The following ENTREP2 variants were observed in gnomAD, a reference collection of about 807,000 sequenced individuals.
The protein encoded by ENTREP2 is endosomal transmembrane epsin interactor 2.
chr15:29,620,458 C>G, the ENTREP2 span, among the ~76,000 whole-genome samples: 1 of 151,954 alleles, frequency 6.6e-6, no homozygotes, highest in Non-Finnish European at 1.5e-5. Flanking sequence ...TGCTGTTTTC[C>G]CCTCCACCTT....
the ENTREP2 span, among the ~76,000 whole-genome samples, chr15:29,221,584 G>C: frequency 6.6e-6 from 1 of 152,230 alleles, no homozygotes; most frequent in East Asian, 1.9e-4. Context: ...GCACTCCTGA[G>C]GCACTCTTAT....
At chr15:29,166,526 A>C in the ENTREP2 span, among the ~76,000 whole-genome samples, 8 of 152,218 alleles carry the variant, frequency 5.3e-5, no homozygotes, top group African/African-American at 1.9e-4. Flanking sequence ...ATACACCAAC[A>C]GTGACCAAGC....
chr15:29,588,952 T>C, the ENTREP2 span, among the ~76,000 whole-genome samples: 1 of 147,394 alleles, frequency 6.8e-6, no homozygotes, highest in African/African-American at 2.5e-5. Context: ...ATTGTGCCGC[T>C]GCACTCCAGC....
the ENTREP2 span, among the ~76,000 whole-genome samples, chr15:29,467,494 G>A: frequency 6.6e-5 from 10 of 152,240 alleles, no homozygotes; most frequent in East Asian, 7.7e-4. Flanking sequence ...CCAAGGAAAC[G>A]GCCACCTGAG....
the ENTREP2 span, among the ~76,000 whole-genome samples, chr15:29,264,270 A>T: frequency 6.6e-6 from 1 of 152,126 alleles, no homozygotes; most frequent in African/African-American, 2.4e-5. Context: ...CCACTGGCCA[A>T]ATCAGGGACA....
At chr15:29,450,263 A>G in the ENTREP2 span, among the ~76,000 whole-genome samples, 4 of 152,082 alleles carry the variant, frequency 2.6e-5, no homozygotes, top group South Asian at 8.3e-4. Flanking sequence ...ACCATTTGTC[A>G]ATTTTTGCTT....
At chr15:29,607,540 C>T in the ENTREP2 span, among the ~76,000 whole-genome samples, 11 of 152,108 alleles carry the variant, frequency 7.2e-5, no homozygotes, top group Non-Finnish European at 1.2e-4. Context: ...TGCTGTTCTG[C>T]CATGTCTATC....
chr15:29,280,944 T>C, the ENTREP2 span, among the ~76,000 whole-genome samples: 1 of 152,314 alleles, frequency 6.6e-6, no homozygotes, highest in South Asian at 2.1e-4. Flanking sequence ...CAAGTATTAA[T>C]GAATTAACTG....
At chr15:29,464,604 T>C in the ENTREP2 span, among the ~76,000 whole-genome samples, 1 of 152,312 alleles carries the variant, frequency 6.6e-6, no homozygotes, top group African/African-American at 2.4e-5. Flanking sequence ...ATTTCTCTTT[T>C]AATAAGGTTA....
chr15:29,121,113 AAC>A, the ENTREP2 span: 1 of 152,270 alleles, frequency 6.6e-6, no homozygotes, highest in Non-Finnish European at 1.5e-5. Context: ...GTATCCACAA[AAC>A]AGAGCTGCCA....
At chr15:29,472,569 A>G in the ENTREP2 span, among the ~76,000 whole-genome samples, 1 of 151,794 alleles carries the variant, frequency 6.6e-6, no homozygotes, top group Non-Finnish European at 1.5e-5. Flanking sequence ...GGTTCAAGCA[A>G]TTCTCCTGCC....
the ENTREP2 span, among the ~76,000 whole-genome samples, chr15:29,443,976 C>T: frequency 1.3e-5 from 2 of 151,896 alleles, no homozygotes; most frequent in African/African-American, 2.4e-5. Flanking sequence ...TGATGGTGGG[C>T]GCCTGTAGTC....
the ENTREP2 span, among the ~76,000 whole-genome samples, chr15:29,538,912 C>T: frequency 6.6e-6 from 1 of 152,086 alleles, no homozygotes; most frequent in Admixed American, 6.6e-5. Context: ...CAGATTCCAC[C>T]AGCATATATA....
chr15:29,593,165 T>G, the ENTREP2 span, among the ~76,000 whole-genome samples: 1 of 152,222 alleles, frequency 6.6e-6, no homozygotes, highest in African/African-American at 2.4e-5. Context: ...TCCTTCCGTT[T>G]GTTCCTTGTG....
the ENTREP2 span, among the ~76,000 whole-genome samples, chr15:29,309,532 C>A: frequency 6.6e-6 from 1 of 152,048 alleles, no homozygotes; most frequent in Non-Finnish European, 1.5e-5. Context: ...GTAATTCCAG[C>A]ACTTTGGGAG....
the ENTREP2 span, among the ~76,000 whole-genome samples, chr15:29,380,921 G>A: frequency 2.3e-3 from 336 of 148,262 alleles, no homozygotes; most frequent in Non-Finnish European, 4.0e-3. Flanking sequence ...GCGCGATCTC[G>A]GCTCACTGCA....
At chr15:29,655,402 G>A in the ENTREP2 span, among the ~76,000 whole-genome samples, 2 of 152,210 alleles carry the variant, frequency 1.3e-5, no homozygotes, top group African/African-American at 4.8e-5. Context: ...CACACTAGCA[G>A]AAGAGGATGT....
At chr15:29,155,440 C>T in the ENTREP2 span, among the ~76,000 whole-genome samples, 1 of 152,198 alleles carries the variant, frequency 6.6e-6, no homozygotes, top group Non-Finnish European at 1.5e-5. Context: ...GCACTGTTAT[C>T]ACTAATCCTT....
the ENTREP2 span, among the ~76,000 whole-genome samples, chr15:29,576,805 CTTGTTT>C: frequency 3.3e-5 from 5 of 152,216 alleles, no homozygotes; most frequent in East Asian, 5.8e-4. Context: ...ATATTATTAA[CTTGTTT>C]TTGTTTTTGT....
Sources: allele counts gnomAD v4.1 joint callset (sites outside exome capture counted in the v4.1 genomes callset), GRCh38; gene constraint gnomAD v4.1.1; transcripts MANE v1.5; gene names NCBI Gene and HGNC (gene_info 2026-07-23, HGNC 2026-07-21).